The following PAK5 variants were observed in gnomAD, a reference collection of about 807,000 sequenced individuals.
PAK5 encodes the protein p21 (RAC1) activated kinase 5.
In PAK5, 16 loss-of-function variants were observed where a neutral mutation model predicts 65.9. The observed-to-expected ratio is 0.24, with a 90% CI of 0.16 to 0.37. The LOEUF (loss-of-function observed/expected upper bound fraction) is 0.37, where lower values mean the gene tolerates loss of function less well. PAK5 is among the 10% of genes least tolerant of loss of function. PAK5 has a pLI of 1.00. For synonymous variants in PAK5, 371 were observed against 354.9 expected (o/e 1.05, Z -0.51); for missense variants, 785 against 903.9 (o/e 0.87, Z 1.69).
chr20:9,602,694 A>T lies in PAK5; in HGVS notation c.205-21764T>A, dbSNP rs142510592. Among the ~76,000 whole-genome samples the T allele has an allele frequency of 5.9e-3, 899 of 152,294 alleles. 3 individuals are homozygous for T. The highest frequency in any genetic ancestry group is 0.02 in the African/African-American group (835 of 41,564). Reference sequence around the variant, plus strand: ...AGAGCTGAGATTCAGAGCTGCTCCAAATCAGTCAAACGTGACCACAGCATC... The same window carrying T: ...AGAGCTGAGATTCAGAGCTGCTCCATATCAGTCAAACGTGACCACAGCATC... On this transcript the variant is annotated intron_variant, in intron 3 of 9. Transcript: ENST00000353224.
At chr20:9,664,826 G>A (rs2047391614) in intron 2 of PAK5, among the ~76,000 whole-genome samples, 1 of 152,072 alleles carries the variant, frequency 6.6e-6, no homozygotes, top group South Asian at 2.1e-4. Flanking sequence ...AACATCCATT[G>A]AGATGCTGCC....
chr20:9,673,155 C>T (rs2047523921), intron 2 of PAK5, among the ~76,000 whole-genome samples: 1 of 151,906 alleles, frequency 6.6e-6, no homozygotes, highest in Non-Finnish European at 1.5e-5. Context: ...AAAATAACTA[C>T]AAAATACCAG....
intron 1 of PAK5, among the ~76,000 whole-genome samples, chr20:9,724,179 T>C (rs188041012): frequency 6.6e-6 from 1 of 152,328 alleles, no homozygotes; most frequent in East Asian, 1.9e-4. Context: ...GCTTGGCTGA[T>C]CCAAAAAAAT....
chr20:9,794,152 G>T (rs1172185421), intron 1 of PAK5, among the ~76,000 whole-genome samples: 1 of 135,116 alleles, frequency 7.4e-6, no homozygotes, highest in Non-Finnish European at 1.6e-5. Context: ...ATAGGGAGGG[G>T]AACAACACAC....
intron 6 of PAK5, among the ~76,000 whole-genome samples, chr20:9,562,369 A>T (rs1026066813): frequency 6.6e-6 from 1 of 152,204 alleles, no homozygotes; most frequent in Non-Finnish European, 1.5e-5. Flanking sequence ...CTGGCACATC[A>T]GGGAGGCAAA....
At chr20:9,744,748 C>T (rs867350188) in intron 1 of PAK5, among the ~76,000 whole-genome samples, 1 of 152,216 alleles carries the variant, frequency 6.6e-6, no homozygotes, top group Non-Finnish European at 1.5e-5. Flanking sequence ...TTCAGCCTAT[C>T]TCCTCTTGCC....
At chr20:9,582,943 T>C (rs1038440071) in intron 3 of PAK5, among the ~76,000 whole-genome samples, 1 of 152,162 alleles carries the variant, frequency 6.6e-6, no homozygotes, top group South Asian at 2.1e-4. Context: ...TCCCTCTTCC[T>C]TTTATTTTTT....
intron 2 of PAK5, among the ~76,000 whole-genome samples, chr20:9,687,350 T>C (rs1044409166): frequency 4.6e-5 from 7 of 152,226 alleles, no homozygotes; most frequent in Admixed American, 4.6e-4. Context: ...TATCTTCAAA[T>C]GACACTTTAA....
At chr20:9,785,004 T>C (rs6056871) in intron 1 of PAK5, among the ~76,000 whole-genome samples, 77,216 of 151,542 alleles carry the variant, frequency 0.51, 20,153 homozygotes, top group African/African-American at 0.64. Context: ...ATAATTTCAG[T>C]AAGCCGTCAT....
chr20:9,620,959 AAG>A (rs71803029), intron 3 of PAK5, among the ~76,000 whole-genome samples: 137,704 of 147,110 alleles, frequency 0.94, 64,405 homozygotes, highest in East Asian at 0.97. Context: ...GAGAGAGAGA[AAG>A]AGAGAGAGAG....
At chr20:9,764,438 ATTT>A (rs1237115731) in intron 1 of PAK5, among the ~76,000 whole-genome samples, 1 of 152,182 alleles carries the variant, frequency 6.6e-6, no homozygotes, top group Non-Finnish European at 1.5e-5. Flanking sequence ...AAATCTCTCC[ATTT>A]TAATGCTACC....
At chr20:9,621,544 A>T (rs2046769327) in intron 3 of PAK5, among the ~76,000 whole-genome samples, 1 of 152,114 alleles carries the variant, frequency 6.6e-6, no homozygotes, top group Non-Finnish European at 1.5e-5. Context: ...AAAAATACTT[A>T]TGTAGGCATA....
Position 9,565,877 on chromosome 20 carries a change from C to G in PAK5, c.1482+16G>C. On this transcript the variant is annotated intron_variant, in intron 5 of 9. Transcript: ENST00000353224. ...GTTACAAAGGAGAGAAAGGATGACC[C>G]AAACACACTCTTTACCTCATTGAAA... 6.3e-7 allele frequency: 1 copy of G among 1,597,542 alleles called. No individual in the cohort carries two copies. Among genetic ancestry groups the G allele is most frequent in the Non-Finnish European group, 8.6e-7 (1 of 1,169,338 alleles).
chr20:9,574,162 A>G (rs1429088477), intron 4 of PAK5, among the ~76,000 whole-genome samples: 2 of 152,166 alleles, frequency 1.3e-5, no homozygotes, highest in Non-Finnish European at 2.9e-5. Context: ...GAGACTGGCA[A>G]TTAGGGGAAT....
chr20:9,649,899 T>C (rs952441147), intron 2 of PAK5, among the ~76,000 whole-genome samples: 3 of 152,096 alleles, frequency 2.0e-5, no homozygotes, highest in Non-Finnish European at 4.4e-5. Flanking sequence ...ATAAGGAAAC[T>C]GAGGCCTACA....
chr20:9,667,466 C>T lies in PAK5; in HGVS notation c.-11-23127G>A, dbSNP rs144088742. 6.2e-4 allele frequency among the ~76,000 whole-genome samples: 63 copies of T among 100,958 alleles called. 10 individuals are homozygous for T. The highest frequency in any genetic ancestry group is 3.6e-3 in the Admixed American group (33 of 9,074). The allele number at this position is 100,958 out of a possible 152,430, so 66.2% of individuals were successfully genotyped here. A position where few individuals can be genotyped will look rare whatever the true frequency, so the allele number is the denominator to read the frequency against. ...ACCCTGAGTATTGAATTCAACTACC[C>T]TAGCCATGTACAAGTGCTCCAGTCA... On this transcript the variant is annotated intron_variant, in intron 2 of 9. Coordinates refer to ENST00000353224, the MANE Select transcript of PAK5 (RefSeq NM_177990.4).
At chr20:9,553,663 G>C (rs1189499016) in intron 7 of PAK5, among the ~76,000 whole-genome samples, 1 of 151,740 alleles carries the variant, frequency 6.6e-6, no homozygotes, top group East Asian at 1.9e-4. Flanking sequence ...GTTCACCCAA[G>C]TTCTCGTGTG....
chr20:9,663,143 T>C (rs1273793606), intron 2 of PAK5, among the ~76,000 whole-genome samples: 1 of 152,176 alleles, frequency 6.6e-6, no homozygotes, highest in Non-Finnish European at 1.5e-5. Flanking sequence ...TTTGCTCCTT[T>C]AAATGTATAA....
chr20:9,660,978 C>A (rs1469344854), intron 2 of PAK5, among the ~76,000 whole-genome samples: 1 of 152,124 alleles, frequency 6.6e-6, no homozygotes, highest in Non-Finnish European at 1.5e-5. Flanking sequence ...CCACCACAAA[C>A]CTACTGACTC....
Sources: allele counts gnomAD v4.1 joint callset (sites outside exome capture counted in the v4.1 genomes callset), GRCh38; gene constraint gnomAD v4.1.1; transcripts MANE v1.5; gene names NCBI Gene and HGNC (gene_info 2026-07-23, HGNC 2026-07-21).